The following HIBCH variants were observed in gnomAD, a reference collection of about 807,000 sequenced individuals.
HIBCH encodes the protein 3-hydroxyisobutyryl-CoA hydrolase, mitochondrial.
A neutral mutation model predicts 58.2 loss-of-function variants in HIBCH; 50 were observed. The observed-to-expected ratio is 0.86, with a 90% CI of 0.68 to 1.09. The LOEUF is 1.09. HIBCH is among the 50% of genes least tolerant of loss of function. HIBCH has a pLI of 0.00. For missense variants in HIBCH, 450 were observed against 449.7 expected (o/e 1.00, Z -0.01); for synonymous variants, 151 against 146.9 (o/e 1.03, Z -0.20).
In HIBCH at chr2:190,266,110, G is replaced by A. The variant is rs190895423; in HGVS notation, c.439-4876C>T. ...TACAGATTGCAACCTTAATTCCACT[G>A]GGGACAGATAATGTATTCTGTAAGA... On this transcript the variant is annotated intron_variant, in intron 6 of 13. Transcript: ENST00000359678. 3.6e-4 allele frequency among the ~76,000 whole-genome samples: 55 copies of A among 152,064 alleles called. 1 individual carries two copies. In the East Asian group the frequency reaches 0.01, roughly 29 times the overall value.
Position 190,197,305 on chromosome 2 carries a change from C to A in HIBCH, c.*18-7308G>T, listed in dbSNP as rs11894667. Reference sequence around the variant, plus strand: ...GCATTTCTTGAGTAGTAACTAAATACGAAAGTGTTCAATGAGATTGCTCCA... The same window carrying A: ...GCATTTCTTGAGTAGTAACTAAATAAGAAAGTGTTCAATGAGATTGCTCCA... On this transcript the variant is annotated intron_variant, in intron 1 of 1. Coordinates refer to the HIBCH transcript ENST00000399855. This position sits in a 1 kb window ranked among gnomAD's most constrained non-coding sequence, Gnocchi z 4.0. Among the ~76,000 whole-genome samples, 1 of 151,964 alleles carries A rather than the reference C, an allele frequency of 6.6e-6. No homozygotes were observed. The highest frequency in any genetic ancestry group is 1.5e-5 in the Non-Finnish European group (1 of 67,994).
At chr2:190,267,494 G>A (rs1170921101) in intron 6 of HIBCH, among the ~76,000 whole-genome samples, 1 of 152,154 alleles carries the variant, frequency 6.6e-6, no homozygotes, top group Non-Finnish European at 1.5e-5. Flanking sequence ...ACCACACCCT[G>A]CCAAGATTAG....
chr2:190,201,906 T>C (rs1191895592), downstream of HIBCH: 1 of 167,022 alleles, frequency 6.0e-6, no homozygotes. Context: ...GGTGTGGTTG[T>C]TTTTCATTCA....
In HIBCH at chr2:190,250,558, G is replaced by A. The variant is rs116301907; in HGVS notation, c.664-832C>T. 4.3e-3 allele frequency: 1,124 copies of A among 258,562 alleles called. 13 individuals are homozygous for A. Among genetic ancestry groups the A allele is most frequent in the African/African-American group, 0.022 (993 of 44,662 alleles). The allele number at this position is 258,562 out of a possible 1,614,324, so 16.0% of individuals were successfully genotyped here. On this transcript the variant is annotated intron_variant, in intron 8 of 13. Coordinates refer to ENST00000359678, the MANE Select transcript of HIBCH (RefSeq NM_014362.4). ...AAAGGGGTTATGCATCAGCTCTCTC[G>A]TATCCTAAATTCCACTGTAATCAAG...
chr2:190,295,139 A>G (rs772057537), intron 3 of HIBCH, among the ~76,000 whole-genome samples: 1 of 152,218 alleles, frequency 6.6e-6, no homozygotes, highest in Non-Finnish European at 1.5e-5. Context: ...CAGCTAATAA[A>G]TAAGTAGGAT....
At chr2:190,247,144 T>C (rs889766156) in intron 9 of HIBCH, among the ~76,000 whole-genome samples, 2 of 152,212 alleles carry the variant, frequency 1.3e-5, no homozygotes, top group Non-Finnish European at 2.9e-5. Flanking sequence ...CAGATCACTC[T>C]AAACTCTAAG....
chr2:190,198,225 A>G (rs4853684), intron 1 of HIBCH, among the ~76,000 whole-genome samples: 31,433 of 152,146 alleles, frequency 0.21, 3,543 homozygotes, highest in East Asian at 0.34. Flanking sequence ...ATTATGAGAA[A>G]CTGGGTAGAA....
chr2:190,224,950 C>T (rs147118814), intron 11 of HIBCH, among the ~76,000 whole-genome samples: 1 of 152,328 alleles, frequency 6.6e-6, no homozygotes, highest in African/African-American at 2.4e-5. Context: ...CAAACTAGAA[C>T]TCAGGATTAA....
At chr2:190,200,215 C>A, downstream of HIBCH, 2 of 1,349,898 alleles carry the variant, frequency 1.5e-6, no homozygotes, top group South Asian at 1.3e-5. Context: ...AAAGCAAAAA[C>A]TGGTGTGAAA....
At position 190,207,366 on chromosome 2, in the gene HIBCH, G is replaced by C. The variant is rs186999393; in HGVS notation, c.1045+1514C>G. 6.6e-6 allele frequency among the ~76,000 whole-genome samples: 1 copy of C among 152,244 alleles called. No homozygotes were observed. Among genetic ancestry groups the C allele is most frequent in the African/African-American group, 2.4e-5 (1 of 41,550 alleles). On this transcript the variant is annotated intron_variant, in intron 13 of 13. Transcript: ENST00000359678. The surrounding 1 kb of genome is among the most constrained non-coding windows in gnomAD (Gnocchi z 4.5). Reference sequence around the variant, plus strand: ...TGTAATCCACATGCAGCAAGAATTTGCAGAGAATTTGTGAGGAAAATGCCT... The same window carrying C: ...TGTAATCCACATGCAGCAAGAATTTCCAGAGAATTTGTGAGGAAAATGCCT...
intron 6 of HIBCH, among the ~76,000 whole-genome samples, chr2:190,285,158 T>C (rs2105979340): frequency 6.6e-6 from 1 of 152,366 alleles, no homozygotes; most frequent in South Asian, 2.1e-4. Context: ...GCTTTGCTAC[T>C]GTGTATTAGT....
Position 190,297,867 on chromosome 2 carries a change from C to T in HIBCH, c.79-914G>A, listed in dbSNP as rs562909598. On this transcript the variant is annotated intron_variant, in intron 2 of 13. Transcript: ENST00000359678. ...CCTGTTATCTAGGTTTTAAACCCTG[C>T]GTGCATTAGGTATTTGTTCTAAAGT... Among the ~76,000 whole-genome samples the T allele has an allele frequency of 8.5e-5, 13 of 152,060 alleles. No homozygotes were observed. In the East Asian group the frequency reaches 1.5e-3, roughly 18 times the overall value.
chr2:190,275,309 G>A (rs1040794797), intron 6 of HIBCH, among the ~76,000 whole-genome samples: 7 of 152,068 alleles, frequency 4.6e-5, no homozygotes, highest in Non-Finnish European at 1.0e-4. Flanking sequence ...AAAAATTTAA[G>A]GATTGTCCTC....
intron 1 of HIBCH, among the ~76,000 whole-genome samples, chr2:190,192,450 ATCTGTG>A (rs1332528206): frequency 2.3e-4 from 22 of 93,786 alleles, no homozygotes; most frequent in South Asian, 1.2e-3. Context: ...ATAATTCAGA[ATCTGTG>A]TGTGTGTGTG....
intron 11 of HIBCH, among the ~76,000 whole-genome samples, chr2:190,241,649 A>G (rs919563626): frequency 5.3e-5 from 8 of 152,142 alleles, no homozygotes; most frequent in African/African-American, 1.9e-4. Context: ...CTATTGTAAT[A>G]CAGGCCTGGT....
At position 190,244,914 on chromosome 2, in the gene HIBCH, A is replaced by G. The variant is rs1414888745; in HGVS notation, c.864T>C (p.Gly288=). The G allele has an allele frequency of 5.0e-6, 8 of 1,611,430 alleles. No homozygotes were observed. Among genetic ancestry groups the G allele is most frequent in the Admixed American group, 1.7e-5 (1 of 60,030 alleles). The stretch of plus-strand genomic sequence containing the variant: ...TCAATTGCTCTAGGGCAAAAGATGA[A>G]CCATCTTGCTGTAAGTTTTCAATAA... ...EEIIENLQQD[G]SSFALEQLKV... The change falls in exon 11 of 14, where the codon GGT becomes GGC. Residue 288 remains glycine, a synonymous_variant. Transcript: ENST00000359678.
At position 190,216,806 on chromosome 2, in the gene HIBCH, T is replaced by C. The variant is rs1195025970; in HGVS notation, c.892-3731A>G. On this transcript the variant is annotated intron_variant, in intron 11 of 13. Coordinates refer to ENST00000359678, the MANE Select transcript of HIBCH (RefSeq NM_014362.4). This position sits in a 1 kb window ranked among gnomAD's most constrained non-coding sequence, Gnocchi z 4.2. ...TGAGGTGGGATGTTTAAAAGTTCTGTTTCCCAGAGCTTGGCTGGGCTGGGG... is the reference window on the plus strand; with the variant it reads ...TGAGGTGGGATGTTTAAAAGTTCTGCTTCCCAGAGCTTGGCTGGGCTGGGG... Among the ~76,000 whole-genome samples the C allele has an allele frequency of 6.6e-6, 1 of 152,116 alleles. No homozygotes were observed. Among genetic ancestry groups the C allele is most frequent in the Non-Finnish European group, 1.5e-5 (1 of 68,000 alleles).
intron 11 of HIBCH, chr2:190,213,367 C>CT (rs1324344206): frequency 2.6e-6 from 1 of 381,418 alleles, no homozygotes; most frequent in East Asian, 5.9e-5. Context: ...AGCAATTACA[C>CT]TTAAATAAAA....
rs1363813163 is a variant in HIBCH, at chr2:190,253,196, T to C, written c.518-889A>G. Among the ~76,000 whole-genome samples, 3 of 151,838 alleles carry C rather than the reference T, an allele frequency of 2.0e-5. No individual in the cohort carries two copies. In the East Asian group the frequency reaches 5.8e-4, roughly 29 times the overall value. ...AAGACTCCATCTCAAGTAAAAATAA[T>C]AATAATAATAAAATAAAGAAAATAG... On this transcript the variant is annotated intron_variant, in intron 7 of 13. Transcript: ENST00000359678.
Sources: allele counts gnomAD v4.1 joint callset (sites outside exome capture counted in the v4.1 genomes callset), GRCh38; gene constraint gnomAD v4.1.1; non-coding constraint Gnocchi (gnomAD v3.1); transcripts MANE v1.5; gene names NCBI Gene and HGNC (gene_info 2026-07-23, HGNC 2026-07-21).